Variants in NRG1 observed in about 807,000 individuals in gnomAD.
NRG1 encodes the protein pro-neuregulin-1, membrane-bound isoform.
NRG1 carries 18 observed loss-of-function variants against 63.8 expected under a neutral mutation model. The ratio of observed to expected loss-of-function variants is 0.28; its 90% CI spans 0.19 to 0.42. The LOEUF is 0.42. Ranked by LOEUF, NRG1 falls within the 10% of genes least tolerant of loss-of-function variation. The pLI is 1.00. For missense variants in NRG1, 762 were observed against 814.7 expected, an observed-to-expected ratio of 0.94 and a Z score of 0.79; for synonymous variants, 302 against 301.3, an observed-to-expected ratio of 1.00 and a Z score of -0.02.
chr8:31,696,559 A>G (rs1810085065), intron 1 of NRG1, among the ~76,000 whole-genome samples: 1 of 152,184 alleles, frequency 6.6e-6, no homozygotes, highest in African/African-American at 2.4e-5. Flanking sequence ...ACTAGGGGAG[A>G]AAGAGGGATG....
intron 1 of NRG1, among the ~76,000 whole-genome samples, chr8:31,954,939 A>C (rs931174706): frequency 6.6e-6 from 1 of 152,154 alleles, no homozygotes. Flanking sequence ...GAGGTTCTTT[A>C]TACTAAAGGA....
At chr8:32,619,514 A>G (rs1186855254) in intron 5 of NRG1, among the ~76,000 whole-genome samples, 1 of 152,148 alleles carries the variant, frequency 6.6e-6, no homozygotes, top group East Asian at 1.9e-4. Flanking sequence ...GGTAGAATCC[A>G]GGATCCCAGT....
intron 1 of NRG1, chr8:32,171,453 A>T (rs1585812787): frequency 1.3e-5 from 2 of 152,272 alleles, no homozygotes; most frequent in African/African-American, 2.4e-5. Flanking sequence ...TGCATTTCCA[A>T]CTGAGGTACT....
chr8:32,247,099 T>C (rs1188830007), intron 1 of NRG1, among the ~76,000 whole-genome samples: 1 of 96,792 alleles, frequency 1.0e-5, no homozygotes, highest in Non-Finnish European at 2.1e-5. Context: ...ATTGTCAATT[T>C]ACAGTTTTTT....
At chr8:32,549,112 C>T (rs1016396772) in intron 1 of NRG1, among the ~76,000 whole-genome samples, 2 of 152,202 alleles carry the variant, frequency 1.3e-5, no homozygotes, top group African/African-American at 4.8e-5. Flanking sequence ...TGGCACGGCC[C>T]CTCCCCAGCG....
chr8:32,764,137 A>G (rs760998769), exon 12 of NRG1: 43 of 1,614,014 alleles, frequency 2.7e-5, no homozygotes, highest in East Asian at 4.5e-5. Flanking sequence ...ACCAAGCCCA[A>G]TGGCCACATT....
At position 32,465,737 on chromosome 8, in the gene NRG1, A is replaced by AT. The variant is rs79761429; in HGVS notation, c.38-130087dup. On this transcript the variant is annotated intron_variant, in intron 1 of 10. Coordinates refer to the NRG1 transcript ENST00000519301. ...TTTTCTGAAGAGAAGTATTCAGGAA[A>AT]TTTTCATTTATGAACAGAAAAAGTC... Among the ~76,000 whole-genome samples the AT allele has an allele frequency of 0.057, 8,632 of 151,864 alleles. 1,181 individuals are homozygous for AT. The East Asian group carries it at 0.62, about 11-fold the overall frequency.
chr8:32,299,053 G>T (rs372578258), intron 1 of NRG1, among the ~76,000 whole-genome samples: 57 of 129,966 alleles, frequency 4.4e-4, no homozygotes, highest in East Asian at 8.7e-4. Context: ...AAAAAAGAAA[G>T]AAATAAAAAG....
intron 6 of NRG1, among the ~76,000 whole-genome samples, chr8:32,738,880 C>A (rs1825730340): frequency 6.6e-6 from 1 of 152,196 alleles, no homozygotes; most frequent in African/African-American, 2.4e-5. Context: ...GTTGCTTGGG[C>A]ACTTGCAGTT....
chr8:32,658,632 G>A (rs1321359524), intron 5 of NRG1, among the ~76,000 whole-genome samples: 2 of 150,232 alleles, frequency 1.3e-5, no homozygotes, highest in Non-Finnish European at 3.0e-5. Context: ...AGAGAGACAA[G>A]CCCAAAGATG....
At chr8:32,731,906 G>C (rs563063693) in intron 6 of NRG1, among the ~76,000 whole-genome samples, 42 of 152,278 alleles carry the variant, frequency 2.8e-4, no homozygotes, top group African/African-American at 9.4e-4. Context: ...CCTGACTAAA[G>C]ACATGACTCA....
intron 1 of NRG1, among the ~76,000 whole-genome samples, chr8:31,776,981 C>T (rs1008072113): frequency 2.0e-5 from 3 of 152,130 alleles, no homozygotes; most frequent in Non-Finnish European, 2.9e-5. Flanking sequence ...TTGTGGAAGT[C>T]GGTGTGGCAA....
At chr8:32,293,408 AT>A (rs1221402008) in intron 1 of NRG1, among the ~76,000 whole-genome samples, 1 of 152,100 alleles carries the variant, frequency 6.6e-6, no homozygotes, top group South Asian at 2.1e-4. Context: ...CAAGGAACAG[AT>A]TTTTCCCTGG....
At chr8:32,358,778 G>A (rs761441320) in intron 1 of NRG1, among the ~76,000 whole-genome samples, 1 of 152,076 alleles carries the variant, frequency 6.6e-6, no homozygotes, top group African/African-American at 2.4e-5. Flanking sequence ...AGATTACCCA[G>A]GAAGAGTATT....
rs577984194 is a variant in NRG1, at chr8:32,105,378, C to G, written c.37+465947C>G. Reference sequence around the variant, plus strand: ...CAATCATGGCAGAAGGTGGAAGGCACCTCTCACATGGCAGCAGACAAGAGA... The same window carrying G: ...CAATCATGGCAGAAGGTGGAAGGCAGCTCTCACATGGCAGCAGACAAGAGA... On this transcript the variant is annotated intron_variant, in intron 1 of 10. Coordinates refer to the NRG1 transcript ENST00000519301. 2.6e-5 allele frequency among the ~76,000 whole-genome samples: 4 copies of G among 152,272 alleles called. No individual in the cohort carries two copies. In the East Asian group the frequency reaches 7.7e-4, roughly 29 times the overall value.
At chr8:32,139,381 C>A (rs1835954188) in intron 1 of NRG1, 1 of 152,180 alleles carries the variant, frequency 6.6e-6, no homozygotes, top group South Asian at 2.1e-4. Flanking sequence ...CCTAGCCATC[C>A]CTTCTCCTTG....
At chr8:32,341,247 G>A (rs553076621) in intron 1 of NRG1, among the ~76,000 whole-genome samples, 2 of 152,292 alleles carry the variant, frequency 1.3e-5, no homozygotes, top group Admixed American at 1.3e-4. Context: ...GTTTAAGAGG[G>A]TTCTATTATT....
At chr8:32,708,504 C>A (rs1307524073) in intron 5 of NRG1, among the ~76,000 whole-genome samples, 1 of 152,178 alleles carries the variant, frequency 6.6e-6, no homozygotes, top group Non-Finnish European at 1.5e-5. Flanking sequence ...TGAGAACCTC[C>A]ATTGAATAAG....
At chr8:32,392,769 A>G (rs1811940731) in intron 1 of NRG1, among the ~76,000 whole-genome samples, 1 of 152,158 alleles carries the variant, frequency 6.6e-6, no homozygotes, top group Non-Finnish European at 1.5e-5. Context: ...ATGATTTGGG[A>G]GTGATAAAAT....
Sources: allele counts gnomAD v4.1 joint callset (sites outside exome capture counted in the v4.1 genomes callset), GRCh38; gene constraint gnomAD v4.1.1; transcripts MANE v1.5; gene names NCBI Gene and HGNC (gene_info 2026-07-23, HGNC 2026-07-21).